PTPDC1: variants seen among roughly 807,000 people sequenced by gnomAD.
The protein encoded by PTPDC1 is protein tyrosine phosphatase domain containing 1, also known as protein tyrosine phosphatase domain-containing protein 1.
PTPDC1 carries 53 observed loss-of-function variants against 75.3 expected under a neutral mutation model. The ratio of observed to expected loss-of-function variants is 0.70; its 90% confidence interval spans 0.56 to 0.88. The LOEUF (loss-of-function observed/expected upper bound fraction) is 0.88, where lower values mean the gene tolerates loss of function less well. Ranked by LOEUF, PTPDC1 falls within the 40% of genes least tolerant of loss-of-function variation. PTPDC1 has a pLI of 0.00. For missense variants in PTPDC1, 925 were observed against 998.6 expected (o/e 0.93, Z 0.99); for synonymous variants, 349 against 366.2 (o/e 0.95, Z 0.54).
intron 2 of PTPDC1, among the ~76,000 whole-genome samples, chr9:94,065,940 C>T (rs537173594): frequency 3.9e-5 from 6 of 152,340 alleles, no homozygotes; most frequent in African/African-American, 1.4e-4. Flanking sequence ...AACTCTTCAG[C>T]CAACAAGTCT....
intron 4 of PTPDC1, among the ~76,000 whole-genome samples, chr9:94,089,055 T>C (rs1378982886): frequency 6.6e-6 from 1 of 151,686 alleles, no homozygotes; most frequent in Non-Finnish European, 1.5e-5. Context: ...TTTTTTCATA[T>C]TTACATTTTT....
intron 8 of PTPDC1, among the ~76,000 whole-genome samples, chr9:94,106,467 G>A (rs570890650): frequency 3.0e-4 from 45 of 152,320 alleles, no homozygotes; most frequent in African/African-American, 9.1e-4. Context: ...GGCAAACCCC[G>A]TGCTTGTGCA....
intron 2 of PTPDC1, among the ~76,000 whole-genome samples, chr9:94,070,920 G>A (rs1826495023): frequency 6.6e-6 from 1 of 152,186 alleles, no homozygotes; most frequent in Non-Finnish European, 1.5e-5. Context: ...ATTCACTGAA[G>A]GGTGTCTGGA....
chr9:94,095,809 A>G (rs138967850), intron 5 of PTPDC1, among the ~76,000 whole-genome samples: 1 of 152,368 alleles, frequency 6.6e-6, no homozygotes, highest in East Asian at 1.9e-4. Flanking sequence ...ATTAAAAATT[A>G]AATCAAAAAA....
At chr9:94,055,725 A>T (rs771643344) in intron 1 of PTPDC1, among the ~76,000 whole-genome samples, 5 of 152,222 alleles carry the variant, frequency 3.3e-5, no homozygotes, top group Non-Finnish European at 7.3e-5. Context: ...CACATTGTGC[A>T]CATGAACCCT....
chr9:94,036,311 T>G (rs1414747574), intron 1 of PTPDC1, among the ~76,000 whole-genome samples: 1 of 152,146 alleles, frequency 6.6e-6, no homozygotes, highest in East Asian at 1.9e-4. Flanking sequence ...GTTTTCCAGC[T>G]TTAGGTGTTA....
intron 1 of PTPDC1, among the ~76,000 whole-genome samples, chr9:94,040,935 A>G (rs1461506274): frequency 6.6e-6 from 1 of 152,144 alleles, no homozygotes; most frequent in Non-Finnish European, 1.5e-5. Flanking sequence ...CTGATACTTT[A>G]TATCAGTGGC....
intron 2 of PTPDC1, among the ~76,000 whole-genome samples, chr9:94,073,075 G>A (rs1185498756): frequency 6.6e-6 from 1 of 152,154 alleles, no homozygotes; most frequent in Non-Finnish European, 1.5e-5. Context: ...TTTCTGGAAG[G>A]CATTGTGGAA....
intron 1 of PTPDC1, chr9:94,031,137 T>A (rs1829717561): frequency 6.6e-6 from 1 of 152,216 alleles, no homozygotes; most frequent in Admixed American, 6.5e-5. Context: ...GGTTCGGAAT[T>A]CGCAGCTAGT....
chr9:94,097,749 A>G lies in PTPDC1; in HGVS notation c.1183A>G (p.Ser395Gly). 1 of 1,614,208 alleles carries G rather than the reference A, an allele frequency of 6.2e-7. No homozygotes were observed. Among genetic ancestry groups the G allele is most frequent in the Non-Finnish European group, 8.5e-7 (1 of 1,180,042 alleles). ...GGATAAAGAGTTACTGAGGCATGAC[A>G]GTGATGTGTCCAACCCGCCTAACCC... ...QLDKELLRHD[S>G]DVSNPPNPTA... is the part of the protein sequence containing the mutation. The change falls in exon 6 of 9, where the codon AGT becomes GGT. Residue 395 changes from serine (S) to glycine (G), a missense_variant. By Grantham distance (56) the Ser-to-Gly change is moderately conservative. Coordinates refer to ENST00000620992, the MANE Select transcript of PTPDC1 (RefSeq NM_001253829.2).
At chr9:94,088,832 G>A (rs943159048) in intron 4 of PTPDC1, among the ~76,000 whole-genome samples, 13 of 152,036 alleles carry the variant, frequency 8.6e-5, no homozygotes, top group African/African-American at 3.1e-4. Context: ...CTTGGAACTT[G>A]TTTTTAAGAA....
chr9:94,049,483 G>A (rs1164750507), intron 1 of PTPDC1, among the ~76,000 whole-genome samples: 1 of 152,124 alleles, frequency 6.6e-6, no homozygotes, highest in Non-Finnish European at 1.5e-5. Context: ...AGCTTAGTTT[G>A]GCTGGATATG....
chr9:94,053,797 A>G (rs1825854456), intron 1 of PTPDC1, among the ~76,000 whole-genome samples: 1 of 152,242 alleles, frequency 6.6e-6, no homozygotes, highest in Non-Finnish European at 1.5e-5. Context: ...TATAAATGTG[A>G]TCAGGAAGAG....
At chr9:94,058,228 C>T (rs1472772851) in intron 1 of PTPDC1, among the ~76,000 whole-genome samples, 5 of 152,078 alleles carry the variant, frequency 3.3e-5, no homozygotes, top group African/African-American at 1.2e-4. Flanking sequence ...AGAGGGCCCT[C>T]AAGGCTTTGC....
At chr9:94,091,966 T>G (rs889146304) in intron 4 of PTPDC1, among the ~76,000 whole-genome samples, 32 of 150,720 alleles carry the variant, frequency 2.1e-4, no homozygotes, top group African/African-American at 7.6e-4. Context: ...TATTTGATTC[T>G]TCTCTCTTTT....
intron 8 of PTPDC1, 66 bp downstream of exon 8, chr9:94,104,451 C>A: frequency 9.8e-7 from 1 of 1,023,684 alleles, no homozygotes. Context: ...AAATCAGAAT[C>A]CAGAGGTCAC....
intron 1 of PTPDC1, among the ~76,000 whole-genome samples, chr9:94,056,297 C>T (rs554004837): frequency 6.6e-6 from 1 of 152,268 alleles, no homozygotes; most frequent in South Asian, 2.1e-4. Context: ...TAGGTTCACT[C>T]ATGTAGTTGG....
Position 94,097,414 on chromosome 9 carries a change from A to G in PTPDC1, c.848A>G (p.Gln283Arg). The part of the protein sequence containing the change: ...FVRAKRPNSI[Q>R]TRGQLLCVRE... ...CGGGCAAAGCGACCCAATTCCATAC[A>G]AACCAGAGGACAGCTCCTCTGTGTA... Residue 283 changes from glutamine to arginine, a missense_variant, in exon 6 of 9, where the codon CAA becomes CGA. Gln to Arg is a conservative substitution (Grantham distance 43, BLOSUM62 1). Transcript: ENST00000620992. 1.2e-6 allele frequency: 2 copies of G among 1,614,066 alleles called. No homozygotes were observed. The highest frequency in any genetic ancestry group is 1.7e-6 in the Non-Finnish European group (2 of 1,179,906).
chr9:94,094,917 TGCCTCGCCCTGCTTCG>T (rs1417668419), intron 4 of PTPDC1, among the ~76,000 whole-genome samples: 3 of 152,244 alleles, frequency 2.0e-5, no homozygotes, highest in Non-Finnish European at 4.4e-5. Context: ...AGTGAGGCAG[TGCCTCGCCCTGCTTCG>T]GCTGAGGCAC....
Sources: allele counts gnomAD v4.1 joint callset (sites outside exome capture counted in the v4.1 genomes callset), GRCh38; gene constraint gnomAD v4.1.1; transcripts MANE v1.5; gene names NCBI Gene and HGNC (gene_info 2026-07-23, HGNC 2026-07-21).